ANKRD30B: variants seen among roughly 807,000 people sequenced by gnomAD.
ANKRD30B encodes the protein ankyrin repeat domain-containing protein 30B.
In ANKRD30B, 144 loss-of-function variants were observed where a neutral mutation model predicts 202.2. That is an observed-to-expected ratio of 0.71 (90% confidence interval 0.62 to 0.82). The LOEUF (loss-of-function observed/expected upper bound fraction) is 0.82. ANKRD30B is among the 40% of genes least tolerant of loss of function. ANKRD30B has a pLI of 0.00. For missense variants in ANKRD30B, 1,487 were observed against 1,669.1 expected (o/e 0.89, Z 1.90); for synonymous variants, 508 against 561.3 (o/e 0.91, Z 1.34).
chr18:14,837,436 G>T (rs1971227663), intron 35 of ANKRD30B, 147 bp downstream of exon 35: 8 of 844,124 alleles, frequency 9.5e-6, no homozygotes, highest in Non-Finnish European at 1.2e-5. Context: ...AGTACATTTT[G>T]ATATCTTTCT....
intron 15 of ANKRD30B, among the ~76,000 whole-genome samples, chr18:14,787,624 C>A (rs1166679268): frequency 6.6e-6 from 1 of 152,092 alleles, no homozygotes; most frequent in Non-Finnish European, 1.5e-5. Flanking sequence ...GAATAGGAAA[C>A]CTTGTGGGAA....
At chr18:14,904,932 A>G in the ANKRD30B span, among the ~76,000 whole-genome samples, 13 of 152,212 alleles carry the variant, frequency 8.5e-5, no homozygotes, top group East Asian at 2.5e-3. Flanking sequence ...TTAAACTCAC[A>G]AGATGAGATA....
chr18:14,814,529 GT>G (rs1969991986), intron 29 of ANKRD30B, 91 bp from the exon 30 acceptor site: 1 of 605,366 alleles, frequency 1.7e-6, no homozygotes, highest in Non-Finnish European at 2.7e-6. Context: ...AGGAAACTGT[GT>G]TTTTAGAAAA....
intron 16 of ANKRD30B, among the ~76,000 whole-genome samples, chr18:14,792,271 A>G (rs1423270738): frequency 3.9e-5 from 6 of 152,158 alleles, no homozygotes; most frequent in African/African-American, 1.4e-4. Flanking sequence ...TTTGTGGGAA[A>G]AATGTGGAAG....
rs1442945268 is a variant in ANKRD30B at position 14,763,929 on chromosome 18, A to C, written c.1064A>C (p.Lys355Thr). ...ETSEKFSWPA[K>T]ERSRKITWEE... ...TCTGAGAAATTTTCATGGCCAGCAA[A>C]AGAAAGATCTAGGAAGATCACATGG... is the stretch of plus-strand genomic sequence containing the variant. The change falls in exon 7 of 44, where the codon AAA becomes ACA. Residue 355 changes from lysine (K) to threonine (T), a missense_variant. This residue lies in a region of ANKRD30B where 889 missense variants were observed against 841.4 expected (regional missense o/e 1.06). Transcript: ENST00000690538. 2 of 1,610,390 alleles carry C rather than the reference A, an allele frequency of 1.2e-6. No individual in the cohort carries two copies. The highest frequency in any genetic ancestry group is 2.2e-5 in the East Asian group (1 of 44,658).
the ANKRD30B span, among the ~76,000 whole-genome samples, chr18:14,902,607 GTCC>G: frequency 6.6e-6 from 1 of 152,106 alleles, no homozygotes; most frequent in East Asian, 1.9e-4. Flanking sequence ...GCAGGGAGCT[GTCC>G]TCCTCCTTTC....
chr18:14,818,711 A>C (rs1970250296), intron 30 of ANKRD30B, among the ~76,000 whole-genome samples: 1 of 152,016 alleles, frequency 6.6e-6, no homozygotes, highest in Non-Finnish European at 1.5e-5. Flanking sequence ...TTATGGCTGC[A>C]TAGAATTCCA....
intron 4 of ANKRD30B, among the ~76,000 whole-genome samples, chr18:14,756,799 C>T (rs1454954958): frequency 2.0e-5 from 3 of 151,854 alleles, no homozygotes; most frequent in Non-Finnish European, 2.9e-5. Context: ...GACTGAGGCA[C>T]GAGAATCGCT....
intron 16 of ANKRD30B, among the ~76,000 whole-genome samples, chr18:14,794,621 C>T (rs535162889): frequency 2.1e-4 from 32 of 152,258 alleles, no homozygotes; most frequent in South Asian, 2.1e-3. Context: ...GAATCGAGGA[C>T]GATCTTCTCA....
the ANKRD30B span, among the ~76,000 whole-genome samples, chr18:14,893,334 G>A: frequency 0.51 from 77,461 of 151,974 alleles, 19,916 homozygotes; most frequent in African/African-American, 0.53. Flanking sequence ...CTATGGGCTG[G>A]GCGCAGTGGC....
chr18:14,807,849 G>C (rs984851426), intron 24 of ANKRD30B, among the ~76,000 whole-genome samples: 2 of 150,962 alleles, frequency 1.3e-5, no homozygotes, highest in African/African-American at 4.9e-5. Context: ...GTTTGTGGAT[G>C]GGTGTGCTTT....
chr18:14,791,076 A>T (rs1190047101), intron 15 of ANKRD30B, among the ~76,000 whole-genome samples: 2 of 152,158 alleles, frequency 1.3e-5, no homozygotes, highest in Non-Finnish European at 2.9e-5. Flanking sequence ...AGATCCTGTT[A>T]TTCGTCTATT....
chr18:14,811,503 G>C (rs1449835992), intron 28 of ANKRD30B, among the ~76,000 whole-genome samples: 1 of 149,958 alleles, frequency 6.7e-6, no homozygotes, highest in Non-Finnish European at 1.5e-5. Flanking sequence ...GAGCCACCGC[G>C]CCCGGCCCAG....
intron 18 of ANKRD30B, among the ~76,000 whole-genome samples, chr18:14,797,047 A>C (rs1262730886): frequency 6.6e-6 from 1 of 152,186 alleles, no homozygotes. Context: ...CAGTTGCAGC[A>C]AAAGCTGGTT....
Position 14,767,013 on chromosome 18 carries a change from G to GA in ANKRD30B, c.1226-2324dup, listed in dbSNP as rs542630390. ...TATGGTTGATATTTCTGGTGTCGAAGAAAAAATCTCCCAAGATCCTACCTA... is the reference window on the plus strand; with the variant it reads ...TATGGTTGATATTTCTGGTGTCGAAGAAAAAAATCTCCCAAGATCCTACCTA... On this transcript the variant is annotated intron_variant, in intron 7 of 43. Transcript: ENST00000690538. Among the ~76,000 whole-genome samples the GA allele has an allele frequency of 9.7e-4, 147 of 152,286 alleles. 1 individual carries two copies. The highest frequency in any genetic ancestry group is 9.4e-3 in the Admixed American group (143 of 15,282).
chr18:14,815,882 T>A (rs994096616), intron 30 of ANKRD30B, among the ~76,000 whole-genome samples: 2 of 152,174 alleles, frequency 1.3e-5, no homozygotes, highest in Non-Finnish European at 2.9e-5. Context: ...AGCTACAAAG[T>A]ACAAAAATGT....
At chr18:14,850,162 GA>G (rs1346190137) in intron 40 of ANKRD30B, 51 bp from the exon 41 acceptor site, 10 of 1,180,246 alleles carry the variant, frequency 8.5e-6, no homozygotes, top group Non-Finnish European at 1.2e-5. Context: ...ATCTCAAAGT[GA>G]ATTCTATTTT....
chr18:14,833,464 G>A (rs2143111761), intron 34 of ANKRD30B, among the ~76,000 whole-genome samples: 2 of 152,228 alleles, frequency 1.3e-5, no homozygotes, highest in South Asian at 2.1e-4. Context: ...TAGCCAGGAC[G>A]AAACTCATGT....
Position 14,748,283 on chromosome 18 carries a change from G to T in ANKRD30B, c.-137G>T. On this transcript the variant is annotated 5_prime_UTR_variant, in exon 1 of 44. Transcript: ENST00000690538. ...GAAATTTCTGCTGGTGTTGGGGCGG[G>T]TGCGGGAACTGAAGACGGGCGAGTG... 1 of 637,672 alleles carries T rather than the reference G, an allele frequency of 1.6e-6. No individual in the cohort carries two copies. The highest frequency in any genetic ancestry group is 2.2e-5 in the South Asian group (1 of 44,516). The allele number at this position is 637,672 out of a possible 1,614,324, so 39.5% of individuals were successfully genotyped here. A position where few individuals can be genotyped will look rare whatever the true frequency, so the allele number is the denominator to read the frequency against.
Sources: allele counts gnomAD v4.1 joint callset (sites outside exome capture counted in the v4.1 genomes callset), GRCh38; gene constraint gnomAD v4.1.1; regional missense constraint gnomAD v4.1.1; transcripts MANE v1.5; gene names NCBI Gene and HGNC (gene_info 2026-07-23, HGNC 2026-07-21).